FUT8: variants seen among roughly 807,000 people sequenced by gnomAD.
The protein encoded by FUT8 is fucosyltransferase 8, also known as alpha-(1,6)-fucosyltransferase.
A neutral mutation model predicts 71.3 loss-of-function variants in FUT8; 29 were observed. The ratio of observed to expected loss-of-function variants is 0.41; its 90% confidence interval spans 0.30 to 0.55. The LOEUF (loss-of-function observed/expected upper bound fraction) is 0.55, where lower values mean the gene tolerates loss of function less well. Among genes scored for constraint, FUT8 ranks in the 20% least tolerant of loss-of-function variants. The probability of loss-of-function intolerance (pLI) is 0.34; values close to 1 mark genes in which losing one functional copy is unlikely to be tolerated. For synonymous variants in FUT8, 254 were observed against 239.3 expected, an observed-to-expected ratio of 1.06 and a Z score of -0.57; for missense variants, 544 against 702.1, an observed-to-expected ratio of 0.77 and a Z score of 2.55.
At chr14:65,474,458 G>A (rs1421548358) in intron 2 of FUT8, among the ~76,000 whole-genome samples, 478 of 27,568 alleles carry the variant, frequency 0.017, no homozygotes, top group East Asian at 0.077. Context: ...AAAAAAAAAA[G>A]CCAGGCGTGC....
At chr14:65,580,515 CTA>C (rs1341374055) in intron 3 of FUT8, among the ~76,000 whole-genome samples, 3 of 151,814 alleles carry the variant, frequency 2.0e-5, no homozygotes, top group African/African-American at 4.8e-5. Context: ...ATATAACACA[CTA>C]TGTATACACA....
intron 7 of FUT8, among the ~76,000 whole-genome samples, chr14:65,712,981 G>A (rs1894878366): frequency 6.6e-6 from 1 of 152,132 alleles, no homozygotes; most frequent in Non-Finnish European, 1.5e-5. Flanking sequence ...TCACCCTGCT[G>A]TGCTGTGAAA....
intron 1 of FUT8, among the ~76,000 whole-genome samples, chr14:65,440,157 G>C (rs1426494368): frequency 6.6e-6 from 1 of 151,484 alleles, no homozygotes; most frequent in African/African-American, 2.4e-5. Context: ...AACAAAGTTA[G>C]ACTCATAGAA....
chr14:65,663,549 C>T (rs1213553100), intron 6 of FUT8, among the ~76,000 whole-genome samples: 4 of 152,012 alleles, frequency 2.6e-5, no homozygotes, highest in African/African-American at 9.7e-5. Flanking sequence ...TGGCTCTGAG[C>T]TTTTTCAGTG....
At chr14:65,549,729 G>A (rs1388273676) in intron 2 of FUT8, among the ~76,000 whole-genome samples, 1 of 152,188 alleles carries the variant, frequency 6.6e-6, no homozygotes, top group East Asian at 1.9e-4. Flanking sequence ...AATAGTTACT[G>A]TAAGGTGATG....
intron 10 of FUT8, among the ~76,000 whole-genome samples, chr14:65,736,060 T>C (rs1190893984): frequency 2.6e-5 from 4 of 152,144 alleles, no homozygotes; most frequent in African/African-American, 9.7e-5. Flanking sequence ...AGTCAGGATA[T>C]CTGTATTTGC....
chr14:65,487,302 G>A (rs558413517), intron 2 of FUT8, among the ~76,000 whole-genome samples: 4 of 152,188 alleles, frequency 2.6e-5, no homozygotes, highest in Admixed American at 6.5e-5. Context: ...GGTGGCTCAC[G>A]CCTGTAATCC....
chr14:65,396,608 A>G, the FUT8 span, among the ~76,000 whole-genome samples: 1 of 152,178 alleles, frequency 6.6e-6, no homozygotes, highest in African/African-American at 2.4e-5. The surrounding 1 kb of genome is among the most constrained non-coding windows in gnomAD (Gnocchi z 5.5). Flanking sequence ...GAATTATGGG[A>G]GCTACAGTTC....
intron 5 of FUT8, among the ~76,000 whole-genome samples, chr14:65,626,797 A>G (rs1889916340): frequency 6.6e-6 from 1 of 152,218 alleles, no homozygotes; most frequent in Non-Finnish European, 1.5e-5. Context: ...AGTGATTTCT[A>G]GATGTGTAAT....
At position 65,742,255 on chromosome 14, in the gene FUT8, C is replaced by A; in HGVS notation, c.1573C>A (p.Pro525Thr). Residue 525 changes from proline to threonine, a missense_variant, in exon 11 of 11, where the codon CCT (proline) becomes ACT (threonine). Transcript: ENST00000673929. ...AACTGCAGATGAAATTCCCATGGAACCTGGAGATATCATTGGTGTGGCTGG... is the reference window on the plus strand; with the variant it reads ...AACTGCAGATGAAATTCCCATGGAAACTGGAGATATCATTGGTGTGGCTGG... ...PRTADEIPME[P>T]GDIIGVAGNH... The A allele has an allele frequency of 1.9e-6, 3 of 1,613,052 alleles. No individual in the cohort carries two copies. The highest frequency in any genetic ancestry group is 2.5e-6 in the Non-Finnish European group (3 of 1,179,378).
intron 6 of FUT8, among the ~76,000 whole-genome samples, chr14:65,644,737 G>A (rs1479097281): frequency 6.6e-6 from 1 of 152,142 alleles, no homozygotes; most frequent in Non-Finnish European, 1.5e-5. Flanking sequence ...GTTCCTGTGA[G>A]ATCAACATTT....
chr14:65,562,237 A>T (rs1436554813), intron 3 of FUT8, among the ~76,000 whole-genome samples: 1 of 152,056 alleles, frequency 6.6e-6, no homozygotes, highest in African/African-American at 2.4e-5. Context: ...TTATGTATTT[A>T]AAAAAATTGA....
chr14:65,365,767 A>C, the FUT8 span, among the ~76,000 whole-genome samples: 1 of 152,192 alleles, frequency 6.6e-6, no homozygotes, highest in South Asian at 2.1e-4. Context: ...ATAAATAACC[A>C]TATAAATGGG....
chr14:65,483,310 C>CA lies in FUT8; in HGVS notation c.-228+27593dup, dbSNP rs953587415. 6.2e-4 allele frequency among the ~76,000 whole-genome samples: 95 copies of CA among 152,318 alleles called. No homozygotes were observed. Among genetic ancestry groups the CA allele is most frequent in the African/African-American group, 2.1e-3 (87 of 41,588 alleles). On this transcript the variant is annotated intron_variant, in intron 2 of 10. Transcript: ENST00000673929. This position sits in a 1 kb window ranked among gnomAD's most constrained non-coding sequence, Gnocchi z 4.4. ...TGGTGTTCTGTGTCAGCCTAGGGAG[C>CA]ATTGGCTACTCTTAAGAGTTCTCTT...
chr14:65,393,529 T>G, the FUT8 span, among the ~76,000 whole-genome samples: 1 of 152,176 alleles, frequency 6.6e-6, no homozygotes, highest in Non-Finnish European at 1.5e-5. Context: ...ATAGGTGGAT[T>G]TTTTTCAATG....
At chr14:65,382,630 G>A in the FUT8 span, among the ~76,000 whole-genome samples, 2 of 152,146 alleles carry the variant, frequency 1.3e-5, no homozygotes, top group Non-Finnish European at 2.9e-5. Context: ...GTGAGTCACC[G>A]TGCTCGGCCA....
rs142910369 is a variant in FUT8 at position 65,721,875 on chromosome 14, C to G, written c.936C>G (p.Leu312=). The G allele has an allele frequency of 6.2e-7, 1 of 1,614,194 alleles. No individual in the cohort carries two copies. The highest frequency in any genetic ancestry group is 8.5e-7 in the Non-Finnish European group (1 of 1,180,042). ...PYLPLAVPED[L]ADRLVRVHGD... The stretch of plus-strand genomic sequence containing the variant: ...TACCCTTGGCTGTACCAGAAGACCT[C>G]GCAGATCGACTTGTACGAGTGCATG... The change falls in exon 8 of 11, where the codon CTC becomes CTG. Residue 312 remains leucine (L), a synonymous_variant. Coordinates refer to ENST00000673929, the MANE Select transcript of FUT8 (RefSeq NM_001371533.1).
At chr14:65,379,038 G>A in the FUT8 span, among the ~76,000 whole-genome samples, 1 of 151,298 alleles carries the variant, frequency 6.6e-6, no homozygotes, top group Non-Finnish European at 1.5e-5. Flanking sequence ...GTAGAGATGG[G>A]ATTTCATCAT....
intron 7 of FUT8, among the ~76,000 whole-genome samples, chr14:65,677,152 G>GTGTGTGTGTGTGTGCA (rs1555383261): frequency 1.7e-5 from 1 of 59,480 alleles, no homozygotes; most frequent in Non-Finnish European, 4.6e-5. Context: ...GTGTGTGTGT[G>GTGTGTGTGTGTGTGCA]CGCGCGCGCA....
Sources: allele counts gnomAD v4.1 joint callset (sites outside exome capture counted in the v4.1 genomes callset), GRCh38; gene constraint gnomAD v4.1.1; non-coding constraint Gnocchi (gnomAD v3.1); transcripts MANE v1.5; gene names NCBI Gene and HGNC (gene_info 2026-07-23, HGNC 2026-07-21).